The following DENND2A variants were observed in gnomAD, a reference collection of about 807,000 sequenced individuals.
The protein encoded by DENND2A is DENN domain-containing protein 2A.
Under a neutral mutation model 105.3 loss-of-function variants are expected in DENND2A, and 53 were observed. The ratio of observed to expected loss-of-function variants is 0.50; its 90% CI spans 0.40 to 0.63. The LOEUF (loss-of-function observed/expected upper bound fraction) is 0.63. DENND2A is among the 30% of genes least tolerant of loss of function. The probability of loss-of-function intolerance (pLI) is 0.00; values close to 1 mark genes in which losing one functional copy is unlikely to be tolerated. For missense variants in DENND2A, 1,138 were observed against 1,279.6 expected, an observed-to-expected ratio of 0.89 and a Z score of 1.69; for synonymous variants, 522 against 508.4, an observed-to-expected ratio of 1.03 and a Z score of -0.36.
intron 6 of DENND2A, among the ~76,000 whole-genome samples, chr7:140,572,751 CAAA>C (rs59174097): frequency 2.7e-4 from 16 of 58,868 alleles, no homozygotes; most frequent in Middle Eastern, 0.011. Context: ...GAAACTCTGT[CAAA>C]AAAAAAAAAA....
chr7:140,580,825 C>T (rs570976818), intron 5 of DENND2A, among the ~76,000 whole-genome samples: 79 of 151,458 alleles, frequency 5.2e-4, no homozygotes, highest in African/African-American at 1.8e-3. Flanking sequence ...TTAGTAGAGA[C>T]GGGGTTTCAC....
Position 140,525,733 on chromosome 7 carries a change from G to A in DENND2A, c.2547+18C>T, listed in dbSNP as rs372832400. 4.6e-5 allele frequency: 73 copies of A among 1,601,390 alleles called. No individual in the cohort carries two copies. Among genetic ancestry groups the A allele is most frequent in the Non-Finnish European group, 5.7e-5 (67 of 1,173,966 alleles). ...GTAAAGACAAAGGGAGCAGGAGGCC[G>A]TCGCTGGCCTCACTCACCTGTCTGA... On this transcript the variant is annotated intron_variant, in intron 16 of 19. Transcript: ENST00000496613.
chr7:140,586,426 G>T (rs571334528), intron 4 of DENND2A, among the ~76,000 whole-genome samples: 10 of 151,926 alleles, frequency 6.6e-5, no homozygotes, highest in African/African-American at 2.4e-4. Flanking sequence ...GAGTGTGGTG[G>T]TGGGCGCCTA....
chr7:140,538,608 G>A (rs1192323359), intron 14 of DENND2A, among the ~76,000 whole-genome samples: 1 of 152,090 alleles, frequency 6.6e-6, no homozygotes. Flanking sequence ...CCAGGTTTAA[G>A]TGATTCTCCT....
chr7:140,553,945 G>A (rs922781085), intron 12 of DENND2A, among the ~76,000 whole-genome samples: 1 of 152,100 alleles, frequency 6.6e-6, no homozygotes, highest in South Asian at 2.1e-4. Flanking sequence ...TCCCCACAAG[G>A]GGCCGGATGC....
At chr7:140,587,912 AT>A in intron 3 of DENND2A, 132 bp from the exon 4 acceptor site, 2 of 1,075,920 alleles carry the variant, frequency 1.9e-6, no homozygotes, top group Non-Finnish European at 1.2e-6. Context: ...ATCAACTTTT[AT>A]TTTATTTCAT....
At position 140,601,539 on chromosome 7, in the gene DENND2A, T is replaced by A; in HGVS notation, c.859A>T (p.Ile287Phe). ...TTTCTTTTCTCTTTCCTGAAGCCGA[T>A]GCCAGGCTTCCCATCTTTGTCCCCT... ...GEGDKDGKPG[I>F]GFRKEKRNLP... The change falls in exon 3 of 20, where the codon ATC becomes TTC. Residue 287 changes from isoleucine to phenylalanine, a missense_variant. By Grantham distance (21) the Ile-to-Phe change is conservative. Transcript: ENST00000496613. 5 of 1,614,176 alleles carry A rather than the reference T, an allele frequency of 3.1e-6. No individual in the cohort carries two copies. Among genetic ancestry groups the A allele is most frequent in the Non-Finnish European group, 4.2e-6 (5 of 1,180,026 alleles).
At chr7:140,595,448 G>A (rs1799244033) in intron 3 of DENND2A, among the ~76,000 whole-genome samples, 1 of 152,030 alleles carries the variant, frequency 6.6e-6, no homozygotes, top group South Asian at 2.1e-4. Context: ...ATTTCCCCCA[G>A]GATTATTTTC....
chr7:140,529,710 A>G (rs1796189943), intron 14 of DENND2A, among the ~76,000 whole-genome samples: 1 of 151,264 alleles, frequency 6.6e-6, no homozygotes, highest in East Asian at 1.9e-4. Flanking sequence ...ACCAAACACC[A>G]CATGTTCTCA....
chr7:140,579,162 G>A lies in DENND2A; in HGVS notation c.1246-5154C>T, dbSNP rs1025222711. Among the ~76,000 whole-genome samples, 15 of 151,568 alleles carry A rather than the reference G, an allele frequency of 9.9e-5. No individual in the cohort carries two copies. The South Asian group carries it at 2.5e-3, about 25-fold the overall frequency. ...ACAAAAATTAGCTGGGCATGGTGGC[G>A]CACGCCTGTAGTCCCAGCTACTCGA... On this transcript the variant is annotated intron_variant, in intron 5 of 19. Coordinates refer to ENST00000496613, the MANE Select transcript of DENND2A (RefSeq NM_015689.5).
intron 3 of DENND2A, among the ~76,000 whole-genome samples, chr7:140,594,577 G>A (rs1486410419): frequency 6.6e-6 from 1 of 152,128 alleles, no homozygotes; most frequent in South Asian, 2.1e-4. Flanking sequence ...TTATGATCAC[G>A]ACACCAGCTG....
At chr7:140,560,674 G>A (rs1211639584) in intron 9 of DENND2A, among the ~76,000 whole-genome samples, 1 of 152,024 alleles carries the variant, frequency 6.6e-6, no homozygotes, top group African/African-American at 2.4e-5. Flanking sequence ...GCTCACACCT[G>A]TAATCCCAGC....
At chr7:140,547,750 G>A (rs1386166578) in intron 12 of DENND2A, among the ~76,000 whole-genome samples, 1 of 152,150 alleles carries the variant, frequency 6.6e-6, no homozygotes, top group Non-Finnish European at 1.5e-5. Context: ...TCCATTAACT[G>A]ATGAAGTGAT....
At chr7:140,610,454 C>T (rs1367358489) in intron 1 of DENND2A, among the ~76,000 whole-genome samples, 1 of 152,072 alleles carries the variant, frequency 6.6e-6, no homozygotes, top group Non-Finnish European at 1.5e-5. Context: ...ATCAAGAGAT[C>T]TCATAGTGAG....
intron 14 of DENND2A, among the ~76,000 whole-genome samples, chr7:140,531,522 G>A (rs1363770179): frequency 6.6e-6 from 1 of 152,164 alleles, no homozygotes; most frequent in Non-Finnish European, 1.5e-5. Context: ...GTGTGAGCCG[G>A]GTGCGGTGGC....
chr7:140,620,832 C>T (rs1406125510), intron 1 of DENND2A, among the ~76,000 whole-genome samples: 2 of 152,168 alleles, frequency 1.3e-5, no homozygotes, highest in African/African-American at 2.4e-5. Context: ...TAACCACATC[C>T]CAGTACAGAT....
intron 14 of DENND2A, among the ~76,000 whole-genome samples, chr7:140,541,638 G>T (rs1387878970): frequency 6.6e-6 from 1 of 152,336 alleles, no homozygotes; most frequent in African/African-American, 2.4e-5. Flanking sequence ...CTGGCTTCCA[G>T]GGCTCCAACC....
intron 5 of DENND2A, among the ~76,000 whole-genome samples, chr7:140,583,743 G>A (rs1252918066): frequency 1.4e-5 from 2 of 147,542 alleles, no homozygotes; most frequent in Non-Finnish European, 3.0e-5. Context: ...TCCTGTGAAT[G>A]GTGAAACCCC....
chr7:140,608,953 T>G (rs1210157151), intron 1 of DENND2A, among the ~76,000 whole-genome samples: 1 of 152,078 alleles, frequency 6.6e-6, no homozygotes, highest in Admixed American at 6.6e-5. Context: ...CATTTAAATA[T>G]GGTAAATCAA....
Sources: gnomAD v4.1 joint callset for allele counts (sites outside exome capture counted in the v4.1 genomes callset) on GRCh38, gnomAD v4.1.1 for gene constraint, MANE v1.5 for transcripts, NCBI Gene and HGNC (gene_info 2026-07-23, HGNC 2026-07-21) for gene names.